SLIT1: variants seen among roughly 807,000 people sequenced by gnomAD.
SLIT1 encodes the protein slit guidance ligand 1, also known as slit homolog 1 protein.
In SLIT1, 66 loss-of-function variants were observed where a neutral mutation model predicts 186.1. The observed-to-expected ratio is 0.35, with a 90% CI of 0.29 to 0.44. The LOEUF (loss-of-function observed/expected upper bound fraction) is 0.44, where lower values mean the gene tolerates loss of function less well. SLIT1 is among the 20% of genes least tolerant of loss of function. The probability of loss-of-function intolerance (pLI) is 1.00; values close to 1 mark genes in which losing one functional copy is unlikely to be tolerated. For synonymous variants in SLIT1, 761 were observed against 833.8 expected, an observed-to-expected ratio of 0.91 and a Z score of 1.50; for missense variants, 1,638 against 2,037.4, an observed-to-expected ratio of 0.80 and a Z score of 3.77.
chr10:97,048,964 G>A lies in SLIT1; in HGVS notation c.1456C>T (p.Arg486Trp), dbSNP rs758714025. Residue 486 changes from arginine (R) to tryptophan (W), a missense_variant, in exon 14 of 37, where the codon CGG becomes TGG. This residue lies in a region of SLIT1 where 1,245 missense variants were observed against 1,535.3 expected (regional missense o/e 0.81). Coordinates refer to ENST00000266058, the MANE Select transcript of SLIT1 (RefSeq NM_003061.3). ...RIGQIKSKKF[R>W]CSAKEQYFIP... The stretch of plus-strand genomic sequence containing the variant: ...GCAGGCGGGCAGGTACCTGAGCACC[G>A]GAACTTCTTGCTCTTGATCTGCCCG... 9.3e-6 allele frequency: 15 copies of A among 1,607,732 alleles called. No homozygotes were observed. Among genetic ancestry groups the A allele is most frequent in the South Asian group, 4.4e-5 (4 of 91,058 alleles).
Position 97,021,225 on chromosome 10 carries a change from C to T in SLIT1, c.2746+25G>A, listed in dbSNP as rs201303712. The T allele has an allele frequency of 1.9e-4, 310 of 1,606,882 alleles. 2 individuals are homozygous for T. The South Asian group carries it at 3.2e-3, about 16-fold the overall frequency. On this transcript the variant is annotated intron_variant, in intron 26 of 36. Transcript: ENST00000266058. The surrounding 1 kb of genome is among the most constrained non-coding windows in gnomAD (Gnocchi z 4.5). ...GGCAAGTTCTGTGAGCCCCCAGCAG[C>T]AGGAGGCTGTGCTCCTAGGCTCACC...
At position 97,001,115 on chromosome 10, in the gene SLIT1, T is replaced by C. The variant is rs753611973; in HGVS notation, c.4602A>G (p.Ala1534=). ...ACCGGCCTGTCCACGCCCAGCGCTATGCGCAGAGGGCACAGCCACACTTGG... is the reference window on the plus strand; with the variant it reads ...ACCGGCCTGTCCACGCCCAGCGCTACGCGCAGAGGGCACAGCCACACTTGG... ...KPTKCGCALC[A] Residue 1534 remains alanine, a synonymous_variant, in exon 37 of 37, where the codon GCA becomes GCG. Coordinates refer to ENST00000266058, the MANE Select transcript of SLIT1 (RefSeq NM_003061.3). 8.1e-6 allele frequency: 13 copies of C among 1,611,900 alleles called. No individual in the cohort carries two copies. The highest frequency in any genetic ancestry group is 2.2e-5 in the South Asian group (2 of 91,058).
chr10:97,020,790 G>C (rs1848495830), intron 26 of SLIT1, among the ~76,000 whole-genome samples: 1 of 152,256 alleles, frequency 6.6e-6, no homozygotes, highest in Admixed American at 6.5e-5. Context: ...AATGCCCACA[G>C]TGGAGGGTCC....
At chr10:97,139,315 G>A (rs977090114) in intron 4 of SLIT1, among the ~76,000 whole-genome samples, 2 of 152,200 alleles carry the variant, frequency 1.3e-5, no homozygotes, top group African/African-American at 2.4e-5. Flanking sequence ...CAATCCCAGG[G>A]CCAGTAGCCT....
In SLIT1 at chr10:97,006,803, TA is replaced by T. The variant is rs1848363198; in HGVS notation, c.3342-84del. On this transcript the variant is annotated intron_variant, in intron 31 of 36. Transcript: ENST00000266058. The surrounding 1 kb of genome is among the most constrained non-coding windows in gnomAD (Gnocchi z 4.0). ...CCCACAGCCCTGGAGAGAAATTCAC[TA>T]AACATCTTGGGAAAATGGATTCTTA... The T allele has an allele frequency of 1.1e-6, 1 of 918,548 alleles. No individual in the cohort carries two copies. The highest frequency in any genetic ancestry group is 2.2e-5 in the Admixed American group (1 of 45,938). The allele number at this position is 918,548 out of a possible 1,614,324, so 56.9% of individuals were successfully genotyped here.
chr10:97,020,889 A>C (rs868450841), intron 26 of SLIT1, among the ~76,000 whole-genome samples: 19 of 152,238 alleles, frequency 1.2e-4, no homozygotes, highest in African/African-American at 4.6e-4. Flanking sequence ...CCCTTGCTCC[A>C]CCAGGGACTG....
Position 97,006,083 on chromosome 10 carries a change from G to T in SLIT1, c.3579+400C>A, listed in dbSNP as rs1848357393. On this transcript the variant is annotated intron_variant, in intron 32 of 36. Coordinates refer to ENST00000266058, the MANE Select transcript of SLIT1 (RefSeq NM_003061.3). This position sits in a 1 kb window ranked among gnomAD's most constrained non-coding sequence, Gnocchi z 4.0. ...TGAAGGCATGAAAAGGATGAGTTAA[G>T]GGACCCTAGGGACATTTGGTTAAAG... 6.6e-6 allele frequency among the ~76,000 whole-genome samples: 1 copy of T among 152,164 alleles called. No homozygotes were observed. The highest frequency in any genetic ancestry group is 2.4e-5 in the African/African-American group (1 of 41,430).
intron 4 of SLIT1, among the ~76,000 whole-genome samples, chr10:97,128,501 C>A (rs905523424): frequency 6.6e-6 from 1 of 152,178 alleles, no homozygotes. Context: ...AGTTAACTTC[C>A]CAGAATGGGT....
chr10:97,163,536 A>T, intron 2 of SLIT1, 85 bp from the exon 3 acceptor site: 1 of 1,112,988 alleles, frequency 9.0e-7, no homozygotes, highest in Non-Finnish European at 1.4e-6. Flanking sequence ...GGGCAGAGGC[A>T]ACCTCTGCCA....
intron 4 of SLIT1, among the ~76,000 whole-genome samples, chr10:97,110,533 T>C (rs1849455011): frequency 6.6e-6 from 1 of 151,990 alleles, no homozygotes; most frequent in Non-Finnish European, 1.5e-5. Flanking sequence ...TAATACTGAG[T>C]CCAAAAAAAT....
At chr10:97,091,680 T>C (rs1249240680) in intron 4 of SLIT1, among the ~76,000 whole-genome samples, 2 of 152,250 alleles carry the variant, frequency 1.3e-5, no homozygotes, top group Non-Finnish European at 2.9e-5. Context: ...TTTACAGTCA[T>C]ACTTTGAACA....
chr10:97,060,225 G>C (rs1279814770), intron 9 of SLIT1, 67 bp from the exon 10 acceptor site: 3 of 1,266,548 alleles, frequency 2.4e-6, no homozygotes, highest in African/African-American at 2.9e-5. Context: ...GTTATCTGCT[G>C]GGCTCACCTG....
At chr10:97,002,082 TG>T in intron 36 of SLIT1, 75 bp downstream of exon 36, 2 of 975,216 alleles carry the variant, frequency 2.1e-6, no homozygotes, top group Non-Finnish European at 2.9e-6. Context: ...CTGCCGAGAC[TG>T]GGAGGAAGAG....
chr10:97,174,854 T>C (rs1192695889), intron 1 of SLIT1, among the ~76,000 whole-genome samples: 2 of 152,150 alleles, frequency 1.3e-5, no homozygotes, highest in Non-Finnish European at 2.9e-5. Flanking sequence ...CCAGCTCTTT[T>C]TAAAAAAATA....
At chr10:97,109,476 T>A (rs1213520791) in intron 4 of SLIT1, among the ~76,000 whole-genome samples, 1 of 152,038 alleles carries the variant, frequency 6.6e-6, no homozygotes, top group Non-Finnish European at 1.5e-5. Context: ...CAGAAGAAGG[T>A]TCTGGAAACA....
At chr10:97,161,108 G>A (rs1050676161) in intron 3 of SLIT1, among the ~76,000 whole-genome samples, 8 of 152,044 alleles carry the variant, frequency 5.3e-5, no homozygotes, top group South Asian at 2.1e-4. Flanking sequence ...CAACTCAGGC[G>A]GCGACCATTG....
intron 30 of SLIT1, among the ~76,000 whole-genome samples, chr10:97,013,090 A>C (rs999924825): frequency 2.0e-5 from 3 of 152,148 alleles, no homozygotes; most frequent in African/African-American, 7.2e-5. Flanking sequence ...GGAATTCAAC[A>C]CTTTTTAGAT....
chr10:97,068,020 C>T lies in SLIT1; in HGVS notation c.414-1934G>A, dbSNP rs1221204324. Among the ~76,000 whole-genome samples, 1 of 152,220 alleles carries T rather than the reference C, an allele frequency of 6.6e-6. No individual in the cohort carries two copies. Among genetic ancestry groups the T allele is most frequent in the Non-Finnish European group, 1.5e-5 (1 of 68,030 alleles). ...AGCCCTGAGTCAGAAAGGTAGGAGG[C>T]AGGTGGGCTCCTACTGCCTACTAGA... On this transcript the variant is annotated intron_variant, in intron 4 of 36. Coordinates refer to ENST00000266058, the MANE Select transcript of SLIT1 (RefSeq NM_003061.3). The surrounding 1 kb of genome is among the most constrained non-coding windows in gnomAD (Gnocchi z 4.2).
rs1262042912 is a variant in SLIT1, at chr10:97,043,221, G to A, written c.1997+149C>T. On this transcript the variant is annotated intron_variant, in intron 19 of 36. Coordinates refer to ENST00000266058, the MANE Select transcript of SLIT1 (RefSeq NM_003061.3). The surrounding 1 kb of genome is among the most constrained non-coding windows in gnomAD (Gnocchi z 7.0). ...ACCAAGAGGACCGGCTCTGAGGACCGGAGGGAGACTTCGAAATGTGGAACC... is the reference window on the plus strand; with the variant it reads ...ACCAAGAGGACCGGCTCTGAGGACCAGAGGGAGACTTCGAAATGTGGAACC... The A allele has an allele frequency of 2.4e-5, 32 of 1,315,338 alleles. No individual in the cohort carries two copies. The highest frequency in any genetic ancestry group is 3.0e-5 in the Non-Finnish European group (28 of 937,240). The allele number at this position is 1,315,338 out of a possible 1,614,324, so 81.5% of individuals were successfully genotyped here. A position where few individuals can be genotyped will look rare whatever the true frequency, so the allele number is the denominator to read the frequency against.
Sources: allele counts gnomAD v4.1 joint callset (sites outside exome capture counted in the v4.1 genomes callset), GRCh38; gene constraint gnomAD v4.1.1; regional missense constraint gnomAD v4.1.1; non-coding constraint Gnocchi (gnomAD v3.1); transcripts MANE v1.5; gene names NCBI Gene and HGNC (gene_info 2026-07-23, HGNC 2026-07-21).